GPHN: variants seen among roughly 807,000 people sequenced by gnomAD.
The protein encoded by GPHN is gephyrin.
In GPHN, 17 loss-of-function variants were observed where a neutral mutation model predicts 95.5. The ratio of observed to expected loss-of-function variants is 0.18; its 90% confidence interval spans 0.12 to 0.27. GPHN has a LOEUF of 0.27. Ranked by LOEUF, GPHN falls within the 10% of genes least tolerant of loss-of-function variation. The pLI is 1.00. For missense variants in GPHN, 660 were observed against 978.1 expected (o/e 0.67, Z 4.34); for synonymous variants, 320 against 322.5 (o/e 0.99, Z 0.08).
At chr14:67,651,151 T>G in the GPHN span, 1 of 954,704 alleles carries the variant, frequency 1.0e-6, no homozygotes, top group South Asian at 1.7e-5. Flanking sequence ...TATGTAAATT[T>G]AAAGAAGTCA....
intron 2 of GPHN, among the ~76,000 whole-genome samples, chr14:66,743,518 C>T (rs1250079123): frequency 6.6e-6 from 1 of 151,916 alleles, no homozygotes; most frequent in Non-Finnish European, 1.5e-5. Context: ...GGGCGGATCA[C>T]GAGGTGAGGA....
chr14:66,802,167 C>T (rs539489917), intron 3 of GPHN, among the ~76,000 whole-genome samples: 2 of 152,286 alleles, frequency 1.3e-5, no homozygotes, highest in Non-Finnish European at 2.9e-5. Flanking sequence ...TGAGCTTGCC[C>T]TCAAACCGCA....
the GPHN span, among the ~76,000 whole-genome samples, chr14:67,542,504 A>C: frequency 1.3e-5 from 2 of 152,194 alleles, no homozygotes; most frequent in Non-Finnish European, 1.5e-5. Context: ...AGGCAAAAAA[A>C]CACAAATGTC....
the GPHN span, among the ~76,000 whole-genome samples, chr14:67,517,471 T>C: frequency 6.6e-6 from 1 of 152,158 alleles, no homozygotes; most frequent in South Asian, 2.1e-4. Context: ...AAAATAAACA[T>C]TGAGGTCAAA....
chr14:67,086,522 G>T (rs2076891727), intron 11 of GPHN, among the ~76,000 whole-genome samples: 1 of 151,256 alleles, frequency 6.6e-6, no homozygotes, highest in Non-Finnish European at 1.5e-5. Flanking sequence ...GAGGTGGCGG[G>T]CGCCTGTAGT....
chr14:67,107,387 C>G (rs1482338429), intron 13 of GPHN, among the ~76,000 whole-genome samples: 1 of 152,162 alleles, frequency 6.6e-6, no homozygotes, highest in Non-Finnish European at 1.5e-5. Flanking sequence ...GGTTCACTCT[C>G]TGTGGCAGAG....
At chr14:67,262,646 A>G in the GPHN span, among the ~76,000 whole-genome samples, 2 of 152,234 alleles carry the variant, frequency 1.3e-5, no homozygotes, top group South Asian at 4.1e-4. Flanking sequence ...AGTATAGAGT[A>G]GATTTAGCTT....
the GPHN span, among the ~76,000 whole-genome samples, chr14:67,399,871 A>T: frequency 6.6e-6 from 1 of 152,372 alleles, no homozygotes; most frequent in Admixed American, 6.5e-5. Context: ...CTGAGGGATC[A>T]GAAAGGAATG....
intron 3 of GPHN, among the ~76,000 whole-genome samples, chr14:66,807,998 T>G (rs2060615046): frequency 6.6e-6 from 1 of 152,264 alleles, no homozygotes; most frequent in African/African-American, 2.4e-5. Flanking sequence ...TTATATTCTC[T>G]TCAACATTTT....
the GPHN span, among the ~76,000 whole-genome samples, chr14:67,703,993 T>C: frequency 2.6e-5 from 4 of 152,230 alleles, no homozygotes; most frequent in Admixed American, 2.6e-4. Context: ...TGTCTTAATG[T>C]TTGAGAATCT....
At chr14:67,600,230 G>A in the GPHN span, 2 of 1,535,566 alleles carry the variant, frequency 1.3e-6, no homozygotes, top group Non-Finnish European at 1.8e-6. Context: ...CGCCCGCACC[G>A]CGCGGCGCTG....
the GPHN span, among the ~76,000 whole-genome samples, chr14:67,608,194 T>G: frequency 6.6e-6 from 1 of 151,900 alleles, no homozygotes; most frequent in Non-Finnish European, 1.5e-5. Context: ...CAGTGAGCCA[T>G]GTTCATGCCA....
chr14:66,562,922 G>A (rs1419386185), intron 1 of GPHN, among the ~76,000 whole-genome samples: 1 of 151,826 alleles, frequency 6.6e-6, no homozygotes, highest in Middle Eastern at 3.4e-3. Context: ...CTTAATTGAC[G>A]TTAGCTCAAA....
intron 2 of GPHN, among the ~76,000 whole-genome samples, chr14:66,737,584 C>G (rs1221059075): frequency 1.4e-4 from 21 of 152,046 alleles, no homozygotes; most frequent in Non-Finnish European, 1.5e-5. Flanking sequence ...GATATGACTT[C>G]ACATCCATAT....
At chr14:66,650,149 G>A (rs958063400) in intron 1 of GPHN, among the ~76,000 whole-genome samples, 5 of 151,474 alleles carry the variant, frequency 3.3e-5, no homozygotes, top group African/African-American at 1.2e-4. Context: ...CATAAGTTAT[G>A]GGTTCATTGC....
intron 10 of GPHN, among the ~76,000 whole-genome samples, chr14:67,049,807 G>A (rs952951590): frequency 3.3e-5 from 5 of 152,124 alleles, no homozygotes; most frequent in South Asian, 2.1e-4. Context: ...CACCGCGCCC[G>A]GCTGAAGTAG....
chr14:67,624,460 T>C, the GPHN span, among the ~76,000 whole-genome samples: 2 of 152,206 alleles, frequency 1.3e-5, no homozygotes, highest in African/African-American at 4.8e-5. Context: ...AGGCTTCTGC[T>C]TCTGGGGAGG....
chr14:67,728,755 A>G, the GPHN span, among the ~76,000 whole-genome samples: 4 of 150,556 alleles, frequency 2.7e-5, no homozygotes, highest in Admixed American at 2.0e-4. Context: ...CTCAATCTAT[A>G]CCTCATGAAA....
chr14:67,187,837 T>C, the GPHN span, among the ~76,000 whole-genome samples: 140 of 152,250 alleles, frequency 9.2e-4, 1 homozygote, highest in Non-Finnish European at 1.5e-3. Context: ...ATCCTCCAAT[T>C]GGACTAAGTA....
Sources: allele counts gnomAD v4.1 joint callset (sites outside exome capture counted in the v4.1 genomes callset), GRCh38; gene constraint gnomAD v4.1.1; transcripts MANE v1.5; gene names NCBI Gene and HGNC (gene_info 2026-07-23, HGNC 2026-07-21).